The following MCTP2 variants were observed in gnomAD, a reference collection of about 807,000 sequenced individuals.
The protein encoded by MCTP2 is multiple C2 and transmembrane domain-containing protein 2.
In MCTP2, 132 loss-of-function variants were observed where a neutral mutation model predicts 111.6. That is an observed-to-expected ratio of 1.18 (90% CI 1.03 to 1.37). MCTP2 has a LOEUF of 1.37. MCTP2 is among the 40% of genes most tolerant of loss of function. MCTP2 has a pLI of 0.00. For missense variants in MCTP2, 1,183 were observed against 1,067.9 expected (o/e 1.11, Z -1.50); for synonymous variants, 395 against 387.7 (o/e 1.02, Z -0.22).
Position 94,252,209 on chromosome 15 carries a change from G to A in MCTP2, c.-66+20545G>A, listed in dbSNP as rs191768929. Among the ~76,000 whole-genome samples the A allele has an allele frequency of 2.5e-3, 386 of 152,158 alleles. 2 individuals carry two copies. The highest frequency in any genetic ancestry group is 9.0e-3 in the African/African-American group (373 of 41,482). Reference sequence around the variant, plus strand: ...AACTGCTACATCATTTTTCCATAGCGGCTGTACCATTTTACATTTCCACCA... The same window carrying A: ...AACTGCTACATCATTTTTCCATAGCAGCTGTACCATTTTACATTTCCACCA... On this transcript the variant is annotated intron_variant, in intron 1 of 22. Transcript: ENST00000357742.
At chr15:94,381,678 C>T (rs927802984) in intron 12 of MCTP2, among the ~76,000 whole-genome samples, 1 of 152,210 alleles carries the variant, frequency 6.6e-6, no homozygotes. Flanking sequence ...AATAGTCTGA[C>T]AAACGGTTAA....
chr15:94,250,908 G>A (rs1487967304), intron 1 of MCTP2, among the ~76,000 whole-genome samples: 1 of 152,174 alleles, frequency 6.6e-6, no homozygotes, highest in Non-Finnish European at 1.5e-5. Context: ...AGCAGAAAAT[G>A]TCCTCATAGT....
intron 2 of MCTP2, among the ~76,000 whole-genome samples, chr15:94,311,260 C>A (rs1415862803): frequency 6.6e-6 from 1 of 151,970 alleles, no homozygotes; most frequent in Non-Finnish European, 1.5e-5. Context: ...CTCCTGACCT[C>A]AGGTGATCCG....
intron 19 of MCTP2, among the ~76,000 whole-genome samples, chr15:94,456,794 A>G (rs972108401): frequency 1.4e-4 from 22 of 152,120 alleles, no homozygotes; most frequent in Admixed American, 7.2e-4. Context: ...TTTACTGGAG[A>G]AGGGCTGGCA....
At position 94,372,025 on chromosome 15, in the gene MCTP2, T is replaced by A. The variant is rs193129817; in HGVS notation, c.1582+1845T>A. Among the ~76,000 whole-genome samples, 65 of 151,630 alleles carry A rather than the reference T, an allele frequency of 4.3e-4. 1 individual carries two copies. The East Asian group carries it at 0.012, about 29-fold the overall frequency. ...TAGGAGAGGATACCTGAAGAAAGAG[T>A]CTTTGTAAAGACCCTCTCTATGGAA... On this transcript the variant is annotated intron_variant, in intron 12 of 22. Coordinates refer to ENST00000357742, the MANE Select transcript of MCTP2 (RefSeq NM_001385001.1).
intron 20 of MCTP2, among the ~76,000 whole-genome samples, chr15:94,468,881 G>C (rs1337984366): frequency 6.6e-6 from 1 of 152,110 alleles, no homozygotes; most frequent in Admixed American, 6.5e-5. Context: ...GCCCACCTCG[G>C]CCTCCCAAAG....
chr15:94,234,109 G>T (rs962452685), intron 1 of MCTP2, among the ~76,000 whole-genome samples: 6 of 152,100 alleles, frequency 3.9e-5, no homozygotes, highest in Non-Finnish European at 7.4e-5. Context: ...GAGCTGTTAA[G>T]TCCTTCCTAG....
intron 21 of MCTP2, among the ~76,000 whole-genome samples, chr15:94,472,653 T>C (rs943633630): frequency 5.9e-5 from 9 of 152,242 alleles, no homozygotes; most frequent in African/African-American, 2.2e-4. Flanking sequence ...ACTTTACGTC[T>C]GGTTCTTCAG....
intron 1 of MCTP2, among the ~76,000 whole-genome samples, chr15:94,235,072 C>T (rs1160436112): frequency 6.6e-6 from 1 of 151,940 alleles, no homozygotes; most frequent in African/African-American, 2.4e-5. Context: ...GCCAATATGG[C>T]GAAATCCCAT....
chr15:94,421,094 A>ATTTT (rs776113477), intron 17 of MCTP2, among the ~76,000 whole-genome samples: 1 of 143,076 alleles, frequency 7.0e-6, no homozygotes, highest in Admixed American at 7.0e-5. Context: ...GGATGATAGT[A>ATTTT]TTTTTTTTTT....
At chr15:94,475,062 T>C (rs996330832) in intron 21 of MCTP2, among the ~76,000 whole-genome samples, 2 of 152,192 alleles carry the variant, frequency 1.3e-5, no homozygotes, top group Admixed American at 1.3e-4. Context: ...CAATAGAAGA[T>C]ATATCTGTTC....
intron 1 of MCTP2, among the ~76,000 whole-genome samples, chr15:94,291,792 C>T (rs1270428055): frequency 6.6e-6 from 1 of 152,070 alleles, no homozygotes; most frequent in Non-Finnish European, 1.5e-5. Context: ...TGCTCAAAGC[C>T]ATAATCTAGG....
At chr15:94,258,211 G>A (rs956762541) in intron 1 of MCTP2, among the ~76,000 whole-genome samples, 6 of 151,806 alleles carry the variant, frequency 4.0e-5, no homozygotes, top group African/African-American at 1.5e-4. Context: ...ATCCCAGGAG[G>A]GTTTCTAATT....
intron 1 of MCTP2, among the ~76,000 whole-genome samples, chr15:94,286,480 C>T (rs1166287716): frequency 6.6e-6 from 1 of 151,938 alleles, no homozygotes; most frequent in African/African-American, 2.4e-5. Flanking sequence ...GCTTGCTAGT[C>T]TGTTATTTGG....
chr15:94,410,274 C>G (rs2152484775), intron 17 of MCTP2, among the ~76,000 whole-genome samples: 1 of 152,190 alleles, frequency 6.6e-6, no homozygotes, highest in East Asian at 1.9e-4. Context: ...AGAACCTGTT[C>G]AATGACAGGG....
intron 14 of MCTP2, among the ~76,000 whole-genome samples, chr15:94,385,967 C>T (rs577772477): frequency 6.6e-6 from 1 of 152,142 alleles, no homozygotes; most frequent in Non-Finnish European, 1.5e-5. Context: ...ACCATTTTCC[C>T]AAAAGTTCTA....
intron 10 of MCTP2, 68 bp from the exon 11 acceptor site, chr15:94,367,537 C>T: frequency 8.0e-7 from 1 of 1,249,820 alleles, no homozygotes; most frequent in Non-Finnish European, 1.1e-6. Context: ...AAGCCAGGTG[C>T]TTTGGAGGTA....
chr15:94,404,301 ATTG>A (rs1349819102), intron 17 of MCTP2, among the ~76,000 whole-genome samples: 3 of 143,638 alleles, frequency 2.1e-5, no homozygotes, highest in Admixed American at 6.9e-5. Context: ...CTTATTTTTT[ATTG>A]TTTTTTTTTT....
At chr15:94,459,378 T>A (rs1311510790) in intron 20 of MCTP2, among the ~76,000 whole-genome samples, 1 of 152,232 alleles carries the variant, frequency 6.6e-6, no homozygotes, top group Admixed American at 6.5e-5. Flanking sequence ...TGCAACTTTA[T>A]GTAAATACTA....
Sources: gnomAD v4.1 joint callset for allele counts (sites outside exome capture counted in the v4.1 genomes callset) on GRCh38, gnomAD v4.1.1 for gene constraint, MANE v1.5 for transcripts, NCBI Gene and HGNC (gene_info 2026-07-23, HGNC 2026-07-21) for gene names.